Variants in SLC12A2 observed in about 807,000 individuals in gnomAD.
SLC12A2 encodes solute carrier family 12 member 2.
Under a neutral mutation model 136.3 loss-of-function variants are expected in SLC12A2, and 67 were observed. The observed-to-expected ratio is 0.49, with a 90% CI of 0.40 to 0.60. SLC12A2 has a LOEUF of 0.60. SLC12A2 is among the 20% of genes least tolerant of loss of function. The pLI is 0.00. For missense variants in SLC12A2, 1,322 were observed against 1,534.7 expected, an observed-to-expected ratio of 0.86 and a Z score of 2.32; for synonymous variants, 619 against 562.9, an observed-to-expected ratio of 1.10 and a Z score of -1.41.
At chr5:128,185,158 C>T (rs779520221) in intron 26 of SLC12A2, among the ~76,000 whole-genome samples, 4 of 152,060 alleles carry the variant, frequency 2.6e-5, no homozygotes, top group East Asian at 1.9e-4. Context: ...ACAGCATAGC[C>T]GTTAAGCACG....
chr5:128,110,972 G>A, intron 1 of SLC12A2: 1 of 799,252 alleles, frequency 1.3e-6, no homozygotes, highest in Non-Finnish European at 2.3e-6. Context: ...ACTTGCCATA[G>A]GAAAAAGACC....
intron 17 of SLC12A2, among the ~76,000 whole-genome samples, chr5:128,165,277 T>G (rs1763165822): frequency 6.6e-6 from 1 of 152,256 alleles, no homozygotes; most frequent in East Asian, 1.9e-4. Context: ...TTTAAATTTT[T>G]TGTAAGGCAA....
chr5:128,106,220 T>C (rs537080646), intron 1 of SLC12A2, among the ~76,000 whole-genome samples: 2 of 152,308 alleles, frequency 1.3e-5, no homozygotes, highest in East Asian at 3.9e-4. Flanking sequence ...TATCCATTAG[T>C]GTGGAATATA....
At chr5:128,090,915 T>C (rs1471550932) in intron 1 of SLC12A2, among the ~76,000 whole-genome samples, 1 of 152,148 alleles carries the variant, frequency 6.6e-6, no homozygotes, top group Non-Finnish European at 1.5e-5. Context: ...GATAAAGACT[T>C]AGGATTTTAC....
chr5:128,132,827 G>A lies in SLC12A2; in HGVS notation c.1189-1338G>A, dbSNP rs548316469. Among the ~76,000 whole-genome samples, 28 of 152,234 alleles carry A rather than the reference G, an allele frequency of 1.8e-4. No individual in the cohort carries two copies. The South Asian group carries it at 5.8e-3, about 32-fold the overall frequency. On this transcript the variant is annotated intron_variant, in intron 5 of 26. Transcript: ENST00000262461. ...ATATTCTTTCATTGTTTAATTTAGT[G>A]TATATTTTTATTTGATAGTCAAAGT...
chr5:128,143,131 A>G (rs1762424835), intron 10 of SLC12A2, among the ~76,000 whole-genome samples: 1 of 152,084 alleles, frequency 6.6e-6, no homozygotes, highest in African/African-American at 2.4e-5. Context: ...TTCAGTCAGC[A>G]TTTTGTAGTT....
At chr5:128,147,028 A>T (rs1388505604) in intron 10 of SLC12A2, among the ~76,000 whole-genome samples, 1 of 151,392 alleles carries the variant, frequency 6.6e-6, no homozygotes, top group African/African-American at 2.4e-5. Context: ...GGAAATGTGA[A>T]CCTGTTGATT....
intron 24 of SLC12A2, among the ~76,000 whole-genome samples, chr5:128,183,325 A>C (rs941894486): frequency 2.0e-5 from 3 of 152,066 alleles, no homozygotes; most frequent in African/African-American, 7.2e-5. Context: ...TTCTTCTAGC[A>C]AAGACTTTGG....
chr5:128,169,312 C>A (rs1336062828), intron 18 of SLC12A2: 1 of 152,040 alleles, frequency 6.6e-6, no homozygotes, highest in African/African-American at 2.4e-5. Flanking sequence ...TCTGATCACC[C>A]TTTTTTCTCA....
intron 12 of SLC12A2, 149 bp from the exon 13 acceptor site, chr5:128,149,848 A>G (rs1762642413): frequency 1.5e-6 from 1 of 655,966 alleles, no homozygotes; most frequent in Non-Finnish European, 2.7e-6. Flanking sequence ...AAAGTATATG[A>G]GGCATATATG....
At chr5:128,098,160 T>G (rs1185609066) in intron 1 of SLC12A2, among the ~76,000 whole-genome samples, 2 of 152,116 alleles carry the variant, frequency 1.3e-5, no homozygotes, top group Non-Finnish European at 2.9e-5. Flanking sequence ...CTTTGTCAGT[T>G]TGTTAAGTTT....
intron 1 of SLC12A2, among the ~76,000 whole-genome samples, chr5:128,092,205 A>C (rs1023650685): frequency 3.3e-5 from 5 of 152,206 alleles, no homozygotes; most frequent in Non-Finnish European, 5.9e-5. Context: ...GAACAATTAT[A>C]CGTTTGAAAC....
intron 17 of SLC12A2, among the ~76,000 whole-genome samples, chr5:128,163,555 C>T (rs995191015): frequency 4.0e-5 from 6 of 151,644 alleles, no homozygotes; most frequent in African/African-American, 4.8e-5. Flanking sequence ...TTCATGGCAA[C>T]GTCATTTGTA....
chr5:128,117,135 C>T (rs901891453), intron 4 of SLC12A2, among the ~76,000 whole-genome samples: 13 of 152,108 alleles, frequency 8.5e-5, no homozygotes, highest in African/African-American at 3.1e-4. Context: ...CTCAAAAGAA[C>T]CAACGGACTT....
chr5:128,085,095 A>T (rs1283593925), intron 1 of SLC12A2, among the ~76,000 whole-genome samples: 2 of 151,692 alleles, frequency 1.3e-5, no homozygotes, highest in Non-Finnish European at 2.9e-5. Flanking sequence ...AGCACCTACC[A>T]TCTGTGTCGT....
intron 15 of SLC12A2, among the ~76,000 whole-genome samples, chr5:128,157,258 T>G (rs1285419600): frequency 6.6e-6 from 1 of 152,206 alleles, no homozygotes; most frequent in African/African-American, 2.4e-5. Context: ...AATGGAGACC[T>G]GTATATTTTT....
intron 22 of SLC12A2, among the ~76,000 whole-genome samples, chr5:128,179,305 T>C (rs1234483404): frequency 6.6e-6 from 1 of 152,226 alleles, no homozygotes; most frequent in Non-Finnish European, 1.5e-5. Flanking sequence ...GGTTGCCAAA[T>C]GATGATTCTC....
chr5:128,184,273 C>T, intron 24 of SLC12A2, 93 bp from the exon 25 acceptor site: 1 of 823,134 alleles, frequency 1.2e-6, no homozygotes, highest in Non-Finnish European at 1.9e-6. Context: ...ATGAGAGGCA[C>T]TAACTTTGCA....
intron 4 of SLC12A2, among the ~76,000 whole-genome samples, chr5:128,121,995 C>CA (rs1211461264): frequency 1.3e-5 from 2 of 152,260 alleles, no homozygotes; most frequent in African/African-American, 4.8e-5. Flanking sequence ...AATTTAGACT[C>CA]ATTCATAGAA....
Sources: allele counts gnomAD v4.1 joint callset (sites outside exome capture counted in the v4.1 genomes callset), GRCh38; gene constraint gnomAD v4.1.1; transcripts MANE v1.5; gene names NCBI Gene and HGNC (gene_info 2026-07-23, HGNC 2026-07-21).